The following SENP2 variants were observed in gnomAD, a reference collection of about 807,000 sequenced individuals.
SENP2 encodes sentrin-specific protease 2.
Under a neutral mutation model 86.3 loss-of-function variants are expected in SENP2, and 16 were observed. That is an observed-to-expected ratio of 0.19 (90% confidence interval 0.13 to 0.28). The LOEUF (loss-of-function observed/expected upper bound fraction) is 0.28, where lower values mean the gene tolerates loss of function less well. SENP2 is among the 10% of genes least tolerant of loss of function. SENP2 has a pLI of 1.00. For missense variants in SENP2, 552 were observed against 703.0 expected, an observed-to-expected ratio of 0.79 and a Z score of 2.43; for synonymous variants, 222 against 238.7, an observed-to-expected ratio of 0.93 and a Z score of 0.64.
At chr3:185,593,298 C>T (rs1011928846) in intron 2 of SENP2, among the ~76,000 whole-genome samples, 1 of 152,098 alleles carries the variant, frequency 6.6e-6, no homozygotes, top group Admixed American at 6.6e-5. Flanking sequence ...TTAATAGAGA[C>T]AGGGTCTTGC....
chr3:185,622,427 G>C (rs1480893825), intron 14 of SENP2, among the ~76,000 whole-genome samples: 1 of 152,152 alleles, frequency 6.6e-6, no homozygotes, highest in Non-Finnish European at 1.5e-5. Context: ...TCAGTAAGAT[G>C]GGTCCATTTT....
At chr3:185,592,007 A>ATTTTTTTTTTTTTTT (rs1261238822) in intron 2 of SENP2, among the ~76,000 whole-genome samples, 26 of 35,058 alleles carry the variant, frequency 7.4e-4, no homozygotes, top group South Asian at 2.5e-3. Flanking sequence ...AACCGGTAAT[A>ATTTTTTTTTTTTTTT]TTTCTTTTTT....
rs1328812174 is a variant in SENP2 at position 185,630,117 on chromosome 3, A to AT, written c.*275dup. 3.0e-6 allele frequency: 1 copy of AT among 329,742 alleles called. No individual in the cohort carries two copies. Among genetic ancestry groups the AT allele is most frequent in the East Asian group, 4.6e-5 (1 of 21,974 alleles). The allele number at this position is 329,742 out of a possible 1,614,324, so 20.4% of individuals were successfully genotyped here. The stretch of plus-strand genomic sequence containing the variant: ...CGCTAACTAATATTTTTTTTAAGAG[A>AT]TTCTTTTCCCTATGAATGTGGGAAA... On this transcript the variant is annotated 3_prime_UTR_variant, in exon 17 of 17. Transcript: ENST00000296257.
intron 13 of SENP2, among the ~76,000 whole-genome samples, chr3:185,620,589 C>T (rs1215919813): frequency 6.6e-6 from 1 of 151,690 alleles, no homozygotes; most frequent in Non-Finnish European, 1.5e-5. Context: ...ATTACAGGCA[C>T]GTGCCACCAC....
chr3:185,629,015 AG>A (rs1212636425), intron 16 of SENP2, among the ~76,000 whole-genome samples: 2 of 152,222 alleles, frequency 1.3e-5, no homozygotes, highest in East Asian at 3.8e-4. Context: ...GAGATTTTAA[AG>A]GGAGAAGTTG....
rs1297969966 is a variant in SENP2, at chr3:185,586,307, C to T, written c.-107C>T. On this transcript the variant is annotated 5_prime_UTR_variant, in exon 1 of 17. Coordinates refer to ENST00000296257, the MANE Select transcript of SENP2 (RefSeq NM_021627.3). The surrounding 1 kb of genome is among the most constrained non-coding windows in gnomAD (Gnocchi z 4.3). ...CTTGAATCGCGTCACAAATCAGCGACCGAACTCTGGCGGTGGTGGTTAAGA... is the reference window on the plus strand; with the variant it reads ...CTTGAATCGCGTCACAAATCAGCGATCGAACTCTGGCGGTGGTGGTTAAGA... 2.6e-6 allele frequency: 4 copies of T among 1,568,528 alleles called. No homozygotes were observed. In the East Asian group the frequency reaches 6.8e-5, roughly 27 times the overall value.
chr3:185,629,975 T>C lies in SENP2; in HGVS notation c.*131T>C, dbSNP rs1490397776. On this transcript the variant is annotated 3_prime_UTR_variant, in exon 17 of 17. Coordinates refer to ENST00000296257, the MANE Select transcript of SENP2 (RefSeq NM_021627.3). ...CAGGTACTGAGCTGTCAAAAGTGCA[T>C]GAAGGCCTCTCACTGTACTCTAGTC... 5.9e-6 allele frequency: 5 copies of C among 845,130 alleles called. No individual in the cohort carries two copies. Among genetic ancestry groups the C allele is most frequent in the Non-Finnish European group, 9.6e-6 (5 of 519,602 alleles). The allele number at this position is 845,130 out of a possible 1,614,324, so 52.4% of individuals were successfully genotyped here. A position where few individuals can be genotyped will look rare whatever the true frequency, so the allele number is the denominator to read the frequency against.
intron 3 of SENP2, among the ~76,000 whole-genome samples, 197 bp downstream of exon 3, chr3:185,598,742 A>G (rs1471920407): frequency 6.6e-6 from 1 of 152,218 alleles, no homozygotes; most frequent in African/African-American, 2.4e-5. Context: ...ACAAAGAGCT[A>G]AATATTATTA....
chr3:185,599,852 C>T (rs1722288423), intron 4 of SENP2, among the ~76,000 whole-genome samples: 1 of 150,104 alleles, frequency 6.7e-6, no homozygotes, highest in East Asian at 1.9e-4. Flanking sequence ...CCTTGTTGCC[C>T]AGGCTGGAGT....
rs544944746 is a variant in SENP2 at position 185,621,869 on chromosome 3, T to C, written c.1490T>C (p.Met497Thr). 1.2e-6 allele frequency: 2 copies of C among 1,612,502 alleles called. No homozygotes were observed. The highest frequency in any genetic ancestry group is 1.7e-6 in the Non-Finnish European group (2 of 1,178,752). Residue 497 changes from methionine (M) to threonine (T), a missense_variant, in exon 14 of 17, where the codon ATG (methionine) becomes ACG (threonine). By Grantham distance (81) the Met-to-Thr change is moderately conservative. Around this residue, in one of 2 missense-constraint regions of SENP2, gnomAD observed 169 missense variants for 275.7 expected, o/e 0.61. Transcript: ENST00000296257. ...RKKCLKYLDS[M>T]GQKGHRICEI... Reference sequence around the variant, plus strand: ...AAGTGTCTTAAATATCTGGATTCTATGGGACAAAAGGGCCACAGGATCTGT... The same window carrying C: ...AAGTGTCTTAAATATCTGGATTCTACGGGACAAAAGGGCCACAGGATCTGT...
chr3:185,624,378 G>C (rs1712043611), intron 15 of SENP2, among the ~76,000 whole-genome samples: 1 of 151,804 alleles, frequency 6.6e-6, no homozygotes, highest in African/African-American at 2.4e-5. Flanking sequence ...AACTAAAATG[G>C]GTGCTTAGCT....
chr3:185,631,162 T>C lies in SENP2; in HGVS notation c.*1318T>C, dbSNP rs1712439909. ...TTAAACCTCCCAGACTTGTTCTGGTTCATAAAAGCAAGAGGTAAAACTGGA... is the reference window on the plus strand; with the variant it reads ...TTAAACCTCCCAGACTTGTTCTGGTCCATAAAAGCAAGAGGTAAAACTGGA... On this transcript the variant is annotated 3_prime_UTR_variant, in exon 17 of 17. Transcript: ENST00000296257. 1 of 152,108 alleles carries C rather than the reference T, an allele frequency of 6.6e-6. No individual in the cohort carries two copies. The highest frequency in any genetic ancestry group is 2.4e-5 in the African/African-American group (1 of 41,422). The allele number at this position is 152,108 out of a possible 1,614,324, so 9.4% of individuals were successfully genotyped here.
chr3:185,587,067 A>G (rs987941364), intron 1 of SENP2, among the ~76,000 whole-genome samples: 5 of 152,210 alleles, frequency 3.3e-5, no homozygotes, highest in African/African-American at 1.2e-4. Flanking sequence ...CTTTAAAACA[A>G]TCACTAGTCT....
chr3:185,587,206 T>C (rs535916180), intron 1 of SENP2, among the ~76,000 whole-genome samples: 12 of 151,284 alleles, frequency 7.9e-5, no homozygotes, highest in Non-Finnish European at 1.5e-4. Context: ...GATCTCGGCT[T>C]ACCGCAACCT....
At chr3:185,594,176 AAC>A (rs1161940795) in intron 2 of SENP2, among the ~76,000 whole-genome samples, 1 of 151,292 alleles carries the variant, frequency 6.6e-6, no homozygotes, top group Non-Finnish European at 1.5e-5. Context: ...AAAAAAAAAA[AAC>A]ACACACAAAC....
At chr3:185,615,760 T>C (rs558358537) in intron 11 of SENP2, among the ~76,000 whole-genome samples, 2 of 152,378 alleles carry the variant, frequency 1.3e-5, no homozygotes, top group African/African-American at 4.8e-5. Flanking sequence ...AGTCAATTGC[T>C]AGACTGCTGG....
chr3:185,602,749 G>T (rs1409295040), intron 5 of SENP2, among the ~76,000 whole-genome samples: 2 of 144,192 alleles, frequency 1.4e-5, no homozygotes, highest in Non-Finnish European at 3.0e-5. Context: ...CAGTAGAATT[G>T]CTTGAACCCG....
rs1421562683 is a variant in SENP2 at position 185,629,941 on chromosome 3, C to A, written c.*97C>A. 3 of 1,213,276 alleles carry A rather than the reference C, an allele frequency of 2.5e-6. No homozygotes were observed. The highest frequency in any genetic ancestry group is 2.5e-5 in the South Asian group (2 of 80,842). 75.2% of individuals were successfully genotyped at this position (1,213,276 alleles called of 1,614,324 possible). On this transcript the variant is annotated 3_prime_UTR_variant, in exon 17 of 17. Coordinates refer to ENST00000296257, the MANE Select transcript of SENP2 (RefSeq NM_021627.3). ...GGGTTAAAAAGTCCCTGCATCACTTCTGTTCTCACAGGTACTGAGCTGTCA... is the reference window on the plus strand; with the variant it reads ...GGGTTAAAAAGTCCCTGCATCACTTATGTTCTCACAGGTACTGAGCTGTCA...
At chr3:185,598,336 C>T in intron 2 of SENP2, 76 bp from the exon 3 acceptor site, 1 of 1,453,402 alleles carries the variant, frequency 6.9e-7, no homozygotes, top group Non-Finnish European at 9.5e-7. Context: ...TTGAGAGAGG[C>T]TCTTTCCAAG....
Sources: gnomAD v4.1 joint callset for allele counts (sites outside exome capture counted in the v4.1 genomes callset) on GRCh38, gnomAD v4.1.1 for gene constraint, gnomAD v4.1.1 regional missense constraint, Gnocchi (gnomAD v3.1) non-coding constraint, MANE v1.5 for transcripts, NCBI Gene and HGNC (gene_info 2026-07-23, HGNC 2026-07-21) for gene names.